CELF5: variants seen among roughly 807,000 people sequenced by gnomAD.
CELF5 encodes the protein CUG-BP and ETR-3 like factor 5.
A neutral mutation model predicts 54.9 loss-of-function variants in CELF5; 6 were observed. The observed-to-expected ratio is 0.11, with a 90% confidence interval of 0.06 to 0.22. CELF5 has a LOEUF of 0.22. CELF5 is among the 10% of genes least tolerant of loss of function. The probability of loss-of-function intolerance (pLI) is 1.00; values close to 1 mark genes in which losing one functional copy is unlikely to be tolerated. For synonymous variants in CELF5, 271 were observed against 290.9 expected (o/e 0.93, Z 0.70); for missense variants, 401 against 678.6 (o/e 0.59, Z 4.54).
At chr19:3,250,240 G>T (rs2079629695) in intron 1 of CELF5, among the ~76,000 whole-genome samples, 1 of 152,204 alleles carries the variant, frequency 6.6e-6, no homozygotes, top group South Asian at 2.1e-4. Context: ...TGTAATCCCA[G>T]CACTTCGGGA....
chr19:3,272,137 G>A (rs2079975626), intron 2 of CELF5, among the ~76,000 whole-genome samples: 2 of 152,172 alleles, frequency 1.3e-5, no homozygotes, highest in African/African-American at 4.8e-5. Flanking sequence ...GGAGGCTGAG[G>A]TGGGCGGATC....
chr19:3,231,474 ATGGATGGATGGATGGATGGG>A (rs1409108294), intron 1 of CELF5, among the ~76,000 whole-genome samples: 20 of 148,534 alleles, frequency 1.3e-4, no homozygotes, highest in African/African-American at 5.1e-4. Context: ...GGATGGATGG[ATGGATGGATGGATGGATGGG>A]TGGATGAATG....
chr19:3,274,777 T>C (rs2080020544), intron 3 of CELF5, among the ~76,000 whole-genome samples: 1 of 152,140 alleles, frequency 6.6e-6, no homozygotes, highest in Non-Finnish European at 1.5e-5. Context: ...CCTAGGTATA[T>C]GTAGGAGTCC....
chr19:3,235,434 T>C (rs1054170398), intron 1 of CELF5, among the ~76,000 whole-genome samples: 1 of 151,228 alleles, frequency 6.6e-6, no homozygotes, highest in Non-Finnish European at 1.5e-5. Context: ...TTTTCACCTT[T>C]GTGTGTACTG....
At chr19:3,241,266 A>G (rs2079487337) in intron 1 of CELF5, among the ~76,000 whole-genome samples, 2 of 149,948 alleles carry the variant, frequency 1.3e-5, no homozygotes, top group Non-Finnish European at 3.0e-5. Flanking sequence ...TATTTTTACT[A>G]GAGATGGGGT....
chr19:3,250,868 T>TCGGTGGTCGCCGTATCATTAAAAAAAAAA, intron 1 of CELF5, 117 bp from the exon 2 acceptor site: 1 of 651,356 alleles, frequency 1.5e-6, no homozygotes, highest in African/African-American at 1.9e-5. Context: ...TGTGTAGATC[T>TCGGTGGTCGCCGTATCATTAAAAAAAAAA]ATGCATCTGT....
At chr19:3,232,604 G>C (rs903583667) in intron 1 of CELF5, among the ~76,000 whole-genome samples, 1 of 152,038 alleles carries the variant, frequency 6.6e-6, no homozygotes, top group African/African-American at 2.4e-5. Flanking sequence ...CCTGAATAAT[G>C]ACTTGCATAT....
At chr19:3,244,874 T>C (rs1262659954) in intron 1 of CELF5, among the ~76,000 whole-genome samples, 2 of 150,114 alleles carry the variant, frequency 1.3e-5, no homozygotes, top group East Asian at 4.0e-4. Flanking sequence ...GTGTGGTGTG[T>C]GTATGTGTCT....
chr19:3,251,202 G>A, intron 2 of CELF5, 135 bp downstream of exon 2: 1 of 656,928 alleles, frequency 1.5e-6, no homozygotes, highest in Admixed American at 2.6e-5. Context: ...GAGGAGCAGA[G>A]GTATAGAAAT....
At chr19:3,255,504 A>G (rs546215377) in intron 2 of CELF5, among the ~76,000 whole-genome samples, 3 of 151,642 alleles carry the variant, frequency 2.0e-5, no homozygotes, top group African/African-American at 7.3e-5. Context: ...CTTTTTTTGA[A>G]CCAGTTTCTC....
At chr19:3,242,318 G>A (rs1314865067) in intron 1 of CELF5, among the ~76,000 whole-genome samples, 1 of 152,096 alleles carries the variant, frequency 6.6e-6, no homozygotes, top group Non-Finnish European at 1.5e-5. Context: ...CAGATTACTT[G>A]AGGTCAGGAG....
chr19:3,264,519 T>A (rs528988826), intron 2 of CELF5, among the ~76,000 whole-genome samples: 2 of 151,446 alleles, frequency 1.3e-5, no homozygotes, highest in African/African-American at 4.9e-5. Context: ...GGGTTCACGC[T>A]ATTCTCCTGC....
At chr19:3,271,702 G>A (rs935007535) in intron 2 of CELF5, among the ~76,000 whole-genome samples, 7 of 152,138 alleles carry the variant, frequency 4.6e-5, no homozygotes, top group Admixed American at 3.9e-4. Flanking sequence ...TCAGCGAGAG[G>A]AGGGAAGCTG....
intron 2 of CELF5, among the ~76,000 whole-genome samples, chr19:3,263,938 G>C (rs12982254): frequency 0.44 from 67,185 of 151,920 alleles, 16,346 homozygotes; most frequent in Middle Eastern, 0.6. Flanking sequence ...ATAAGTAAAA[G>C]TAGTACACAC....
At chr19:3,262,471 G>A (rs1346373767) in intron 2 of CELF5, among the ~76,000 whole-genome samples, 1 of 152,214 alleles carries the variant, frequency 6.6e-6, no homozygotes, top group Non-Finnish European at 1.5e-5. Context: ...ACAGAGCACA[G>A]ATCCAGAGTG....
chr19:3,251,613 T>G (rs1377414506), intron 2 of CELF5, among the ~76,000 whole-genome samples: 1 of 151,578 alleles, frequency 6.6e-6, no homozygotes, highest in Non-Finnish European at 1.5e-5. Flanking sequence ...CTTGTCTTTA[T>G]GGTGCAAACG....
chr19:3,278,435 G>C lies in CELF5; in HGVS notation c.603+325G>C, dbSNP rs1271083688. Among the ~76,000 whole-genome samples the C allele has an allele frequency of 6.6e-6, 1 of 151,990 alleles. No individual in the cohort carries two copies. The highest frequency in any genetic ancestry group is 2.4e-5 in the African/African-American group (1 of 41,352). On this transcript the variant is annotated intron_variant, in intron 5 of 12. Coordinates refer to ENST00000292672, the MANE Select transcript of CELF5 (RefSeq NM_021938.4). This position sits in a 1 kb window ranked among gnomAD's most constrained non-coding sequence, Gnocchi z 4.5. ...AGACTGCATGCATGTGTGTGTGTGA[G>C]TGCGTGTTTGAGTGTGTCATTACTA...
At chr19:3,272,350 AGAGT>A (rs2145219646) in intron 2 of CELF5, among the ~76,000 whole-genome samples, 1 of 152,100 alleles carries the variant, frequency 6.6e-6, no homozygotes, top group Admixed American at 6.6e-5. Flanking sequence ...GCCTGGCAAC[AGAGT>A]GAGAGTCCGT....
At chr19:3,257,007 C>T (rs1003001645) in intron 2 of CELF5, among the ~76,000 whole-genome samples, 13 of 152,128 alleles carry the variant, frequency 8.5e-5, no homozygotes, top group African/African-American at 3.1e-4. Flanking sequence ...GGGGGTCTCA[C>T]TATGTAGCCC....
Sources: gnomAD v4.1 joint callset for allele counts (sites outside exome capture counted in the v4.1 genomes callset) on GRCh38, gnomAD v4.1.1 for gene constraint, Gnocchi (gnomAD v3.1) non-coding constraint, MANE v1.5 for transcripts, NCBI Gene and HGNC (gene_info 2026-07-23, HGNC 2026-07-21) for gene names.